TNFRSF19: variants seen among roughly 807,000 people sequenced by gnomAD.
The protein encoded by TNFRSF19 is TNF receptor superfamily member 19, also known as tumor necrosis factor receptor superfamily member 19.
In TNFRSF19, 27 loss-of-function variants were observed where a neutral mutation model predicts 46.4. The ratio of observed to expected loss-of-function variants is 0.58; its 90% CI spans 0.43 to 0.80. The LOEUF (loss-of-function observed/expected upper bound fraction) is 0.80. Ranked by LOEUF, TNFRSF19 falls within the 30% of genes least tolerant of loss-of-function variation. The pLI is 0.00. For missense variants in TNFRSF19, 511 were observed against 530.8 expected, an observed-to-expected ratio of 0.96 and a Z score of 0.37; for synonymous variants, 204 against 205.0, an observed-to-expected ratio of 1.00 and a Z score of 0.04.
Position 23,660,506 on chromosome 13 carries a change from A to C in TNFRSF19, c.736+16A>C. ...CAGACCTGCGGTAAGTTCAGCAGGG[A>C]AGTGCCGTTAGGAGGACTGGAGGTA... On this transcript the variant is annotated intron_variant, in intron 7 of 9. Coordinates refer to ENST00000248484, the MANE Select transcript of TNFRSF19 (RefSeq NM_148957.4). The C allele has an allele frequency of 1.2e-6, 2 of 1,610,792 alleles. No individual in the cohort carries two copies. The highest frequency in any genetic ancestry group is 1.7e-6 in the Non-Finnish European group (2 of 1,179,024).
chr13:23,666,711 G>A (rs1484378559), intron 7 of TNFRSF19, among the ~76,000 whole-genome samples: 2 of 152,196 alleles, frequency 1.3e-5, no homozygotes, highest in Non-Finnish European at 2.9e-5. Context: ...CATGGTGAGC[G>A]TGACACACGT....
intron 4 of TNFRSF19, among the ~76,000 whole-genome samples, chr13:23,622,322 TC>T (rs527945669): frequency 4.6e-4 from 70 of 151,502 alleles, no homozygotes; most frequent in Non-Finnish European, 8.7e-4. Context: ...GGGAGGAGAA[TC>T]GCTGGAACCT....
At chr13:23,618,637 C>T (rs1269561282) in intron 4 of TNFRSF19, among the ~76,000 whole-genome samples, 7 of 152,190 alleles carry the variant, frequency 4.6e-5, no homozygotes, top group Non-Finnish European at 8.8e-5. Flanking sequence ...AGAGTTACCA[C>T]GTGACCTGAC....
chr13:23,584,290 A>G (rs949441954), intron 1 of TNFRSF19, among the ~76,000 whole-genome samples: 16 of 151,896 alleles, frequency 1.1e-4, no homozygotes, highest in African/African-American at 3.9e-4. Context: ...GCATCCTCAT[A>G]GCTTAGCTCC....
intron 5 of TNFRSF19, among the ~76,000 whole-genome samples, chr13:23,636,237 T>C (rs1372982472): frequency 6.6e-6 from 1 of 152,224 alleles, no homozygotes. Flanking sequence ...TTGAACTTTC[T>C]AAAATGCCAT....
intron 3 of TNFRSF19, among the ~76,000 whole-genome samples, chr13:23,597,310 G>C (rs1566173758): frequency 6.6e-6 from 1 of 151,604 alleles, no homozygotes; most frequent in Admixed American, 6.6e-5. Flanking sequence ...TCCAGGAGCT[G>C]TTTTTTTTAA....
chr13:23,598,470 C>A (rs1879897686), intron 3 of TNFRSF19, among the ~76,000 whole-genome samples: 1 of 152,100 alleles, frequency 6.6e-6, no homozygotes, highest in Non-Finnish European at 1.5e-5. Flanking sequence ...TGAATGTCAG[C>A]ATTACTTGTC....
chr13:23,574,294 G>A (rs1877818990), intron 1 of TNFRSF19, among the ~76,000 whole-genome samples: 1 of 151,946 alleles, frequency 6.6e-6, no homozygotes, highest in Non-Finnish European at 1.5e-5. Flanking sequence ...CTTGTGCAAG[G>A]ATAAATAACA....
intron 1 of TNFRSF19, among the ~76,000 whole-genome samples, chr13:23,577,734 G>A (rs1002694864): frequency 3.3e-5 from 5 of 152,188 alleles, no homozygotes; most frequent in African/African-American, 4.8e-5. Flanking sequence ...AGGGCCACGC[G>A]GCGCAGTTTA....
chr13:23,615,197 T>A lies in TNFRSF19; in HGVS notation c.181-670T>A, dbSNP rs1215272469. On this transcript the variant is annotated intron_variant, in intron 3 of 9. Transcript: ENST00000248484. ...TCTTGAACTTGTGGAAATGATTGTA[T>A]GTGGGTCAGAGAGCCATTTGTTTTG... Among the ~76,000 whole-genome samples the A allele has an allele frequency of 2.6e-5, 4 of 152,238 alleles. No homozygotes were observed. In the East Asian group the frequency reaches 7.7e-4, roughly 29 times the overall value.
At chr13:23,630,914 C>T (rs1040980007) in intron 5 of TNFRSF19, among the ~76,000 whole-genome samples, 7 of 151,708 alleles carry the variant, frequency 4.6e-5, no homozygotes, top group African/African-American at 1.7e-4. Flanking sequence ...GCTTTGTTCT[C>T]GGGGGCTTTG....
chr13:23,621,619 T>A (rs763827942), intron 4 of TNFRSF19, among the ~76,000 whole-genome samples: 1 of 152,204 alleles, frequency 6.6e-6, no homozygotes, highest in Non-Finnish European at 1.5e-5. Context: ...CAGATTTTTT[T>A]AAAATAGCAG....
intron 7 of TNFRSF19, among the ~76,000 whole-genome samples, chr13:23,664,560 G>A (rs1363623980): frequency 1.3e-5 from 2 of 152,088 alleles, no homozygotes. Flanking sequence ...ATCACCCATG[G>A]AAGCAAAACT....
chr13:23,638,431 C>T (rs1566203391), intron 5 of TNFRSF19, among the ~76,000 whole-genome samples: 1 of 152,146 alleles, frequency 6.6e-6, no homozygotes, highest in Non-Finnish European at 1.5e-5. Context: ...TAGGGCCAGG[C>T]GCTGAGGCCT....
chr13:23,588,461 TG>T (rs937615756), intron 1 of TNFRSF19, among the ~76,000 whole-genome samples: 5 of 152,216 alleles, frequency 3.3e-5, no homozygotes, highest in Non-Finnish European at 7.3e-5. Context: ...CAGTAGTTAG[TG>T]TAGCATCCCA....
At chr13:23,668,587 A>G (rs966899746) in intron 8 of TNFRSF19, 105 bp from the exon 9 acceptor site, 2 of 1,308,094 alleles carry the variant, frequency 1.5e-6, no homozygotes, top group Admixed American at 4.8e-5. Flanking sequence ...GATGCAGTAA[A>G]TTGCTATTTC....
intron 4 of TNFRSF19, among the ~76,000 whole-genome samples, chr13:23,617,970 G>A (rs117042150): frequency 6.6e-6 from 1 of 152,258 alleles, no homozygotes; most frequent in Non-Finnish European, 1.5e-5. Context: ...GTGGGGTCTT[G>A]TTGAGGCCAG....
At chr13:23,631,065 TTTGCACCA>T (rs1321368853) in intron 5 of TNFRSF19, among the ~76,000 whole-genome samples, 1 of 152,178 alleles carries the variant, frequency 6.6e-6, no homozygotes, top group Non-Finnish European at 1.5e-5. Context: ...CAAGCAGTTG[TTTGCACCA>T]ATAAGTAATA....
chr13:23,647,379 T>C (rs1480713243), intron 5 of TNFRSF19, among the ~76,000 whole-genome samples: 1 of 152,150 alleles, frequency 6.6e-6, no homozygotes, highest in Non-Finnish European at 1.5e-5. Flanking sequence ...AAGATTTTCC[T>C]CTATGTCTTT....
Sources: gnomAD v4.1 joint callset for allele counts (sites outside exome capture counted in the v4.1 genomes callset) on GRCh38, gnomAD v4.1.1 for gene constraint, MANE v1.5 for transcripts, NCBI Gene and HGNC (gene_info 2026-07-23, HGNC 2026-07-21) for gene names.